Variants in SLCO3A1 observed in about 807,000 individuals in gnomAD.
SLCO3A1 encodes the protein PGE1 transporter.
In SLCO3A1, 27 loss-of-function variants were observed where a neutral mutation model predicts 63.1. That is an observed-to-expected ratio of 0.43 (90% CI 0.32 to 0.59). The LOEUF (loss-of-function observed/expected upper bound fraction) is 0.59, where lower values mean the gene tolerates loss of function less well. Ranked by LOEUF, SLCO3A1 falls within the 20% of genes least tolerant of loss-of-function variation. The pLI is 0.09. For missense variants in SLCO3A1, 773 were observed against 945.8 expected (o/e 0.82, Z 2.40); for synonymous variants, 473 against 409.9 (o/e 1.15, Z -1.86).
intron 1 of SLCO3A1, among the ~76,000 whole-genome samples, chr15:91,876,934 C>T (rs1299030239): frequency 6.6e-6 from 1 of 152,222 alleles, no homozygotes; most frequent in African/African-American, 2.4e-5. Flanking sequence ...AGATATTTGA[C>T]TTTTGCCGAT....
At position 91,933,719 on chromosome 15, in the gene SLCO3A1, G is replaced by A. The variant is rs542784999; in HGVS notation, c.646+17261G>A. ...AACAACAGTAATCTTCTGGGGGTAT[G>A]TACTATTATTATCCTCATTCTGTAG... On this transcript the variant is annotated intron_variant, in intron 2 of 9. Transcript: ENST00000318445. Among the ~76,000 whole-genome samples the A allele has an allele frequency of 2.6e-5, 4 of 152,290 alleles. No homozygotes were observed. In the East Asian group the frequency reaches 7.7e-4, roughly 29 times the overall value.
Position 92,057,004 on chromosome 15 carries a change from A to G in SLCO3A1, c.647-37877A>G, listed in dbSNP as rs1402836078. ...CCTCCTGCCAGAAAATACATTCCCA[A>G]ACATCTCAAGGTCTCCCTGTCTGTG... On this transcript the variant is annotated intron_variant, in intron 2 of 9. Coordinates refer to ENST00000318445, the MANE Select transcript of SLCO3A1 (RefSeq NM_013272.4). Among the ~76,000 whole-genome samples the G allele has an allele frequency of 2.2e-4, 34 of 152,208 alleles. 1 individual carries two copies. Among genetic ancestry groups the G allele is most frequent in the Admixed American group, 2.1e-3 (32 of 15,286 alleles).
At chr15:92,154,417 G>A (rs1389270513) in intron 9 of SLCO3A1, among the ~76,000 whole-genome samples, 2 of 152,224 alleles carry the variant, frequency 1.3e-5, no homozygotes, top group African/African-American at 2.4e-5. Flanking sequence ...TGTACCACAG[G>A]TGCTGTTGCA....
chr15:91,983,854 C>G (rs551413603), intron 2 of SLCO3A1, among the ~76,000 whole-genome samples: 57 of 152,262 alleles, frequency 3.7e-4, no homozygotes, highest in African/African-American at 1.3e-3. Context: ...GATATTCAAC[C>G]CATGTCACAT....
chr15:92,171,690 T>C, intron 10 of SLCO3A1: 1 of 907,172 alleles, frequency 1.1e-6, no homozygotes, highest in Middle Eastern at 2.1e-4. Context: ...AAAGCCATCA[T>C]GCTATTAAAT....
intron 2 of SLCO3A1, among the ~76,000 whole-genome samples, chr15:92,093,144 A>G: frequency 1.3e-5 from 2 of 152,324 alleles, no homozygotes; most frequent in South Asian, 4.1e-4. Context: ...TTGCCTTGCT[A>G]TAAAGAAATA....
intron 2 of SLCO3A1, among the ~76,000 whole-genome samples, chr15:91,962,603 G>A (rs960335506): frequency 2.6e-5 from 4 of 152,040 alleles, no homozygotes; most frequent in South Asian, 2.1e-4. Flanking sequence ...AAGTGGAGCC[G>A]GGGAAGGAGG....
chr15:92,014,271 G>A (rs2046401021), intron 2 of SLCO3A1, among the ~76,000 whole-genome samples: 1 of 152,108 alleles, frequency 6.6e-6, no homozygotes, highest in African/African-American at 2.4e-5. Context: ...ACCACCTGCG[G>A]CTCTTTTAAG....
At position 92,164,589 on chromosome 15, in the gene SLCO3A1, A is replaced by G; in HGVS notation, c.*1454A>G. On this transcript the variant is annotated 3_prime_UTR_variant, in exon 10 of 10. Coordinates refer to ENST00000318445, the MANE Select transcript of SLCO3A1 (RefSeq NM_013272.4). ...TAGGAAAGAAGAACAGTTCCCTAAC[A>G]CAAGCTGTTAAGAAGTCTGTAGCAT... The G allele has an allele frequency of 1.0e-6, 1 of 958,416 alleles. No individual in the cohort carries two copies. The highest frequency in any genetic ancestry group is 4.9e-5 in the South Asian group (1 of 20,506). The allele number at this position is 958,416 out of a possible 1,614,324, so 59.4% of individuals were successfully genotyped here. A position where few individuals can be genotyped will look rare whatever the true frequency, so the allele number is the denominator to read the frequency against.
chr15:92,128,994 G>C (rs935340533), intron 7 of SLCO3A1, among the ~76,000 whole-genome samples: 1 of 152,152 alleles, frequency 6.6e-6, no homozygotes, highest in Admixed American at 6.5e-5. Context: ...GGAGGAGGTG[G>C]GTTGCTTTTT....
chr15:92,109,184 T>G (rs1259640059), intron 4 of SLCO3A1, among the ~76,000 whole-genome samples: 1 of 152,110 alleles, frequency 6.6e-6, no homozygotes, highest in Non-Finnish European at 1.5e-5. Context: ...TTAGGAGGCA[T>G]CGGTACCACT....
In SLCO3A1 at chr15:92,164,684, C is replaced by T; in HGVS notation, c.*1549C>T. 1.0e-6 allele frequency: 1 copy of T among 985,388 alleles called. No homozygotes were observed. The allele number at this position is 985,388 out of a possible 1,614,324, so 61.0% of individuals were successfully genotyped here. A position where few individuals can be genotyped will look rare whatever the true frequency, so the allele number is the denominator to read the frequency against. ...GTCCAATGCGTGAAAATGTCTGTGACATTTTCAGTGTTAGTCTTGAACTAA... is the reference window on the plus strand; with the variant it reads ...GTCCAATGCGTGAAAATGTCTGTGATATTTTCAGTGTTAGTCTTGAACTAA... On this transcript the variant is annotated 3_prime_UTR_variant, in exon 10 of 10. Transcript: ENST00000318445.
chr15:92,118,891 C>G (rs1402436741), intron 4 of SLCO3A1, among the ~76,000 whole-genome samples: 1 of 152,156 alleles, frequency 6.6e-6, no homozygotes, highest in African/African-American at 2.4e-5. Context: ...TCTGGGAAAC[C>G]ACCTCTATAA....
chr15:92,064,638 C>T (rs183998767), intron 2 of SLCO3A1, among the ~76,000 whole-genome samples: 35 of 152,120 alleles, frequency 2.3e-4, no homozygotes, highest in South Asian at 1.2e-3. Context: ...TACCCATCAA[C>T]GGATGAATGA....
intron 2 of SLCO3A1, among the ~76,000 whole-genome samples, chr15:91,961,943 T>C (rs1457300635): frequency 1.3e-5 from 2 of 152,022 alleles, no homozygotes; most frequent in Non-Finnish European, 2.9e-5. Flanking sequence ...GGGACAGAGG[T>C]ATTATAATTC....
intron 2 of SLCO3A1, among the ~76,000 whole-genome samples, chr15:92,071,360 A>T (rs4644836): frequency 0.78 from 118,661 of 152,146 alleles, 46,469 homozygotes; most frequent in Admixed American, 0.88. Context: ...CGCATTTGGC[A>T]GCGAGCAAGG....
chr15:92,171,854 A>G (rs866900549), exon 11 of SLCO3A1: 2 of 1,551,116 alleles, frequency 1.3e-6, no homozygotes, highest in Middle Eastern at 1.7e-4. Flanking sequence ...CTCCTTTGTG[A>G]GAAGCTGAGG....
At chr15:91,963,608 C>G (rs540532872) in intron 2 of SLCO3A1, among the ~76,000 whole-genome samples, 2 of 152,258 alleles carry the variant, frequency 1.3e-5, no homozygotes, top group East Asian at 3.9e-4. Flanking sequence ...GTTTTGCTGA[C>G]TTCAAGAATG....
At chr15:92,020,404 T>G (rs1172568770) in intron 2 of SLCO3A1, among the ~76,000 whole-genome samples, 1 of 152,234 alleles carries the variant, frequency 6.6e-6, no homozygotes, top group Non-Finnish European at 1.5e-5. Context: ...GCCAATTTGT[T>G]TGGCAGAAAC....
Sources: allele counts gnomAD v4.1 joint callset (sites outside exome capture counted in the v4.1 genomes callset), GRCh38; gene constraint gnomAD v4.1.1; transcripts MANE v1.5; gene names NCBI Gene and HGNC (gene_info 2026-07-23, HGNC 2026-07-21).